ADAM12: variants seen among roughly 807,000 people sequenced by gnomAD.
ADAM12 encodes disintegrin and metalloproteinase domain-containing protein 12.
A neutral mutation model predicts 106.4 loss-of-function variants in ADAM12; 70 were observed. That is an observed-to-expected ratio of 0.66 (90% CI 0.54 to 0.80). The LOEUF (loss-of-function observed/expected upper bound fraction) is 0.80, where lower values mean the gene tolerates loss of function less well. Ranked by LOEUF, ADAM12 falls within the 30% of genes least tolerant of loss-of-function variation. The pLI is 0.00. For missense variants in ADAM12, 1,010 were observed against 1,171.9 expected, an observed-to-expected ratio of 0.86 and a Z score of 2.02; for synonymous variants, 420 against 433.5, an observed-to-expected ratio of 0.97 and a Z score of 0.39.
At chr10:126,208,694 G>A (rs1225119996) in intron 3 of ADAM12, among the ~76,000 whole-genome samples, 2 of 152,164 alleles carry the variant, frequency 1.3e-5, no homozygotes, top group Non-Finnish European at 2.9e-5. Flanking sequence ...CACAAGACAG[G>A]AAGACTGAGC....
chr10:126,126,374 T>C (rs180944455), intron 5 of ADAM12, among the ~76,000 whole-genome samples: 1 of 152,340 alleles, frequency 6.6e-6, no homozygotes, highest in African/African-American at 2.4e-5. Flanking sequence ...ACCTGCTTCC[T>C]GTCACTAACA....
At chr10:126,081,381 A>C (rs200675742) in intron 11 of ADAM12, among the ~76,000 whole-genome samples, 7 of 36,992 alleles carry the variant, frequency 1.9e-4, no homozygotes, top group Non-Finnish European at 3.1e-4. Flanking sequence ...TGATTGGGGG[A>C]AAAAAACAAA....
intron 1 of ADAM12, among the ~76,000 whole-genome samples, chr10:126,364,132 T>A (rs1048793497): frequency 2.0e-5 from 3 of 151,958 alleles, no homozygotes; most frequent in Admixed American, 6.6e-5. Flanking sequence ...AAATTCAGTA[T>A]CCAATACTTT....
At chr10:126,117,750 G>C (rs1184564768) in intron 6 of ADAM12, among the ~76,000 whole-genome samples, 1 of 80,314 alleles carries the variant, frequency 1.2e-5, no homozygotes, top group Non-Finnish European at 2.3e-5. Context: ...GCTTGTGGGG[G>C]TAGAAGTTGG....
At chr10:126,300,064 A>G (rs7914527) in intron 2 of ADAM12, among the ~76,000 whole-genome samples, 2,222 of 152,308 alleles carry the variant, frequency 0.015, 66 homozygotes, top group African/African-American at 0.051. Context: ...AATATCTTGA[A>G]TTCATAAATG....
rs34913675 is a variant in ADAM12 at position 126,014,313 on chromosome 10, G to GTTTTTTTTTTTTTTTTTT, written c.*2948_*2965dup. ...GAACATTTTGACACAGTTTTAGCCG[G>GTTTTTTTTTTTTTTTTTT]TTTTTTTTTTTTTTTTTTTTTTTTG... On this transcript the variant is annotated 3_prime_UTR_variant, in exon 23 of 23. Transcript: ENST00000448723. The GTTTTTTTTTTTTTTTTTT allele has an allele frequency of 2.2e-5, 1 of 46,302 alleles. No individual in the cohort carries two copies. The highest frequency in any genetic ancestry group is 7.6e-5 in the African/African-American group (1 of 13,222). The allele number at this position is 46,302 out of a possible 1,614,324, so 2.9% of individuals were successfully genotyped here.
At chr10:126,288,850 G>A (rs1484791360) in intron 2 of ADAM12, among the ~76,000 whole-genome samples, 3 of 148,896 alleles carry the variant, frequency 2.0e-5, no homozygotes, top group Non-Finnish European at 4.5e-5. Flanking sequence ...GTGACATAGT[G>A]GCCCAGGGGA....
chr10:126,291,122 A>G (rs1590740085), intron 2 of ADAM12, among the ~76,000 whole-genome samples: 1 of 152,228 alleles, frequency 6.6e-6, no homozygotes, highest in South Asian at 2.1e-4. Flanking sequence ...GTGCATTTAT[A>G]TAACTAATTT....
chr10:126,038,031 A>G (rs1235307214), intron 20 of ADAM12, among the ~76,000 whole-genome samples: 2 of 152,184 alleles, frequency 1.3e-5, no homozygotes, highest in Non-Finnish European at 2.9e-5. Flanking sequence ...GAGTGCGCCA[A>G]CAGGATCTAG....
chr10:126,327,523 G>A (rs567584505), intron 2 of ADAM12, among the ~76,000 whole-genome samples: 5 of 152,034 alleles, frequency 3.3e-5, no homozygotes, highest in South Asian at 2.1e-4. Flanking sequence ...TGGGGAGATC[G>A]AGACAGGAGG....
At chr10:126,380,069 C>A (rs1443063344) in intron 1 of ADAM12, among the ~76,000 whole-genome samples, 1 of 152,092 alleles carries the variant, frequency 6.6e-6, no homozygotes, top group Admixed American at 6.6e-5. Flanking sequence ...AAGCTGAGCT[C>A]TTAATGTAGC....
Position 126,053,672 on chromosome 10 carries a change from C to A in ADAM12, c.1610-4003G>T, listed in dbSNP as rs2133450615. Reference sequence around the variant, plus strand: ...AAAAAACCTCTCCCACACCGTGGAACAATTTTACTGAGATGACGTTTCCTT... The same window carrying A: ...AAAAAACCTCTCCCACACCGTGGAAAAATTTTACTGAGATGACGTTTCCTT... On this transcript the variant is annotated intron_variant, in intron 14 of 22. Coordinates refer to ENST00000448723, the MANE Select transcript of ADAM12 (RefSeq NM_001288973.2). The surrounding 1 kb of genome is among the most constrained non-coding windows in gnomAD (Gnocchi z 4.6). 6.6e-6 allele frequency among the ~76,000 whole-genome samples: 1 copy of A among 152,084 alleles called. No individual in the cohort carries two copies.
At chr10:126,194,349 C>G (rs1012683473) in intron 3 of ADAM12, among the ~76,000 whole-genome samples, 5 of 148,260 alleles carry the variant, frequency 3.4e-5, no homozygotes, top group African/African-American at 1.2e-4. Context: ...AGAGAAGAAT[C>G]CTTTAAGCTT....
chr10:126,132,558 C>T (rs1229079964), intron 5 of ADAM12, among the ~76,000 whole-genome samples: 1 of 142,240 alleles, frequency 7.0e-6, no homozygotes, highest in African/African-American at 2.6e-5. Flanking sequence ...GTCCCAGAAT[C>T]AAAGAACAAA....
At chr10:126,256,322 A>G (rs1292451348) in intron 3 of ADAM12, among the ~76,000 whole-genome samples, 1 of 152,040 alleles carries the variant, frequency 6.6e-6, no homozygotes, top group Non-Finnish European at 1.5e-5. Flanking sequence ...TTAGGAAACA[A>G]CTCTGGGTTT....
At chr10:126,189,945 C>A (rs995410328) in intron 3 of ADAM12, among the ~76,000 whole-genome samples, 5 of 152,166 alleles carry the variant, frequency 3.3e-5, no homozygotes, top group Non-Finnish European at 5.9e-5. Flanking sequence ...CATCATCACT[C>A]AGTTCTTAAT....
chr10:126,042,094 C>A, intron 18 of ADAM12: 1 of 1,608,062 alleles, frequency 6.2e-7, no homozygotes, highest in Non-Finnish European at 8.5e-7. Flanking sequence ...ACCTCCTCTG[C>A]AGCAGCACTG....
At chr10:126,158,356 G>T (rs1956860135) in intron 3 of ADAM12, among the ~76,000 whole-genome samples, 1 of 33,456 alleles carries the variant, frequency 3.0e-5, no homozygotes, top group Non-Finnish European at 8.3e-5. Context: ...GAGCATGAGG[G>T]ATGCACAGAG....
At chr10:126,029,657 T>C (rs1953940013) in intron 21 of ADAM12, among the ~76,000 whole-genome samples, 1 of 152,198 alleles carries the variant, frequency 6.6e-6, no homozygotes, top group African/African-American at 2.4e-5. Context: ...CTGTGGCACA[T>C]GTTTACCGAT....
Sources: allele counts gnomAD v4.1 joint callset (sites outside exome capture counted in the v4.1 genomes callset), GRCh38; gene constraint gnomAD v4.1.1; non-coding constraint Gnocchi (gnomAD v3.1); transcripts MANE v1.5; gene names NCBI Gene and HGNC (gene_info 2026-07-23, HGNC 2026-07-21).